Variants in SUFU observed in about 807,000 individuals in gnomAD.
The protein encoded by SUFU is SUFU negative regulator of hedgehog signaling, also known as suppressor of fused homolog.
A neutral mutation model predicts 58.9 loss-of-function variants in SUFU; 7 were observed. That is an observed-to-expected ratio of 0.12 (90% CI 0.07 to 0.22). The LOEUF is 0.22. Ranked by LOEUF, SUFU falls within the 10% of genes least tolerant of loss-of-function variation. The probability of loss-of-function intolerance (pLI) is 1.00; values close to 1 mark genes in which losing one functional copy is unlikely to be tolerated. For missense variants in SUFU, 451 were observed against 641.3 expected (o/e 0.70, Z 3.20); for synonymous variants, 232 against 254.8 (o/e 0.91, Z 0.85).
chr10:102,568,923 CATATAT>C (rs1166324733), intron 3 of SUFU, among the ~76,000 whole-genome samples: 20 of 39,066 alleles, frequency 5.1e-4, no homozygotes, highest in African/African-American at 2.7e-3. Flanking sequence ...TATATATACA[CATATAT>C]ATATATATAT....
At position 102,594,868 on chromosome 10, in the gene SUFU, AC is replaced by A. The variant is rs570165273; in HGVS notation, c.756+805del. 8.0e-3 allele frequency among the ~76,000 whole-genome samples: 1,222 copies of A among 152,038 alleles called. 17 individuals are homozygous for A. The highest frequency in any genetic ancestry group is 0.01 in the Non-Finnish European group (708 of 67,958). On this transcript the variant is annotated intron_variant, in intron 6 of 11. Coordinates refer to ENST00000369902, the MANE Select transcript of SUFU (RefSeq NM_016169.4). ...CGAGTAGCTGAGATTACAGGCGCCC[AC>A]CACCACGCCCAGATAATTTTTTGTA...
chr10:102,518,868 G>A (rs138019838), intron 2 of SUFU, among the ~76,000 whole-genome samples: 218 of 151,506 alleles, frequency 1.4e-3, no homozygotes, highest in Non-Finnish European at 2.6e-3. Context: ...GGCCGGGTGC[G>A]GTGGCTCACA....
At chr10:102,558,354 G>T (rs1218545198) in intron 3 of SUFU, among the ~76,000 whole-genome samples, 3 of 152,128 alleles carry the variant, frequency 2.0e-5, no homozygotes, top group Non-Finnish European at 4.4e-5. Flanking sequence ...ACGACTACAG[G>T]TGCACACCAC....
intron 3 of SUFU, among the ~76,000 whole-genome samples, chr10:102,568,999 G>T (rs1295231414): frequency 7.6e-6 from 1 of 131,582 alleles, no homozygotes; most frequent in East Asian, 2.2e-4. Context: ...GCATTTCATT[G>T]TATGATACTA....
chr10:102,532,395 A>G (rs1173820724), intron 2 of SUFU, among the ~76,000 whole-genome samples: 1 of 152,220 alleles, frequency 6.6e-6, no homozygotes, highest in Non-Finnish European at 1.5e-5. Flanking sequence ...AGCAGCTTAC[A>G]ACACACATTT....
chr10:102,537,047 G>T (rs2062747863), intron 2 of SUFU, among the ~76,000 whole-genome samples: 1 of 152,028 alleles, frequency 6.6e-6, no homozygotes, highest in Non-Finnish European at 1.5e-5. Flanking sequence ...CTGACCTCAG[G>T]TGATCTGCCC....
At chr10:102,564,547 GGTC>G (rs2063069167) in intron 3 of SUFU, among the ~76,000 whole-genome samples, 1 of 152,150 alleles carries the variant, frequency 6.6e-6, no homozygotes, top group Non-Finnish European at 1.5e-5. Flanking sequence ...TGGCCACGCT[GGTC>G]TCCAACTCTT....
Position 102,619,166 on chromosome 10 carries a change from C to A in SUFU, c.1296+1738C>A. ...CTCCAATTTTCAGCAGCTCAAGAACCTTGGCCCCCACAGGACTTCGCAGAT... is the reference window on the plus strand; with the variant it reads ...CTCCAATTTTCAGCAGCTCAAGAACATTGGCCCCCACAGGACTTCGCAGAT... On this transcript the variant is annotated intron_variant, in intron 10 of 11. Coordinates refer to ENST00000369902, the MANE Select transcript of SUFU (RefSeq NM_016169.4). This position sits in a 1 kb window ranked among gnomAD's most constrained non-coding sequence, Gnocchi z 4.2. 1 of 1,610,752 alleles carries A rather than the reference C, an allele frequency of 6.2e-7. No homozygotes were observed.
intron 2 of SUFU, among the ~76,000 whole-genome samples, chr10:102,515,192 G>C (rs577941800): frequency 1.3e-5 from 2 of 152,134 alleles, no homozygotes; most frequent in African/African-American, 4.8e-5. Flanking sequence ...CTCTGCACCC[G>C]CATGAGTTAT....
rs990359280 is a variant in SUFU at position 102,633,267 on chromosome 10, G to A, written c.*3112G>A. The A allele has an allele frequency of 1.7e-5, 4 of 233,122 alleles. No individual in the cohort carries two copies. The highest frequency in any genetic ancestry group is 8.8e-5 in the African/African-American group (4 of 45,324). 14.4% of individuals were successfully genotyped at this position (233,122 alleles called of 1,614,324 possible). A position where few individuals can be genotyped will look rare whatever the true frequency, so the allele number is the denominator to read the frequency against. On this transcript the variant is annotated 3_prime_UTR_variant, in exon 12 of 12. Transcript: ENST00000369902. ...GACCCCTCCTTTTGTACAAGTACCT[G>A]AATGCTGCGACAAGCAGATTTTTGT...
intron 3 of SUFU, among the ~76,000 whole-genome samples, chr10:102,557,479 G>C (rs11191335): frequency 0.3 from 45,296 of 151,900 alleles, 7,073 homozygotes; most frequent in Admixed American, 0.35. Context: ...TGTAGTCCCA[G>C]CTATTCAGGA....
intron 2 of SUFU, among the ~76,000 whole-genome samples, chr10:102,524,658 C>CT (rs1183673806): frequency 6.6e-6 from 1 of 152,136 alleles, no homozygotes. Context: ...TCTGCGATGT[C>CT]TATTATGCTT....
chr10:102,627,420 A>G (rs1037858872), intron 11 of SUFU, among the ~76,000 whole-genome samples, 177 bp downstream of exon 11: 3 of 152,120 alleles, frequency 2.0e-5, no homozygotes, highest in Admixed American at 2.0e-4. Flanking sequence ...TAGGCTGGAG[A>G]GGAGACTGTA....
Position 102,586,934 on chromosome 10 carries a change from T to C in SUFU, c.455-5648T>C, listed in dbSNP as rs140623522. Reference sequence around the variant, plus strand: ...TATAAATTTGCCTACCCTAGGTACTTCATGTAAGTGAAATCATGCAGTATT... The same window carrying C: ...TATAAATTTGCCTACCCTAGGTACTCCATGTAAGTGAAATCATGCAGTATT... On this transcript the variant is annotated intron_variant, in intron 3 of 11. Coordinates refer to ENST00000369902, the MANE Select transcript of SUFU (RefSeq NM_016169.4). Among the ~76,000 whole-genome samples, 290 of 152,342 alleles carry C rather than the reference T, an allele frequency of 1.9e-3. 1 individual carries two copies. The highest frequency in any genetic ancestry group is 4.3e-3 in the African/African-American group (180 of 41,586).
At chr10:102,591,467 T>C (rs1204750586) in intron 3 of SUFU, 1 of 147,328 alleles carries the variant, frequency 6.8e-6, no homozygotes, top group East Asian at 2.0e-4. Flanking sequence ...GCCACTGCAC[T>C]GCAGCCTGGC....
Position 102,617,368 on chromosome 10 carries a change from A to T in SUFU, c.1236A>T (p.Gly412=). ...GDMAITFVST[G]VEGAFATEEH... is the part of the protein sequence containing the mutation. Reference sequence around the variant, plus strand: ...TGGCCATCACGTTTGTCTCCACGGGAGTGGAAGGCGCCTTTGCCACTGAGG... The same window carrying T: ...TGGCCATCACGTTTGTCTCCACGGGTGTGGAAGGCGCCTTTGCCACTGAGG... The change falls in exon 10 of 12, where the codon GGA becomes GGT. Residue 412 remains glycine, a synonymous_variant. Coordinates refer to ENST00000369902, the MANE Select transcript of SUFU (RefSeq NM_016169.4). This position sits in a 1 kb window ranked among gnomAD's most constrained non-coding sequence, Gnocchi z 4.4. 6.2e-7 allele frequency: 1 copy of T among 1,614,186 alleles called. No homozygotes were observed. Among genetic ancestry groups the T allele is most frequent in the Non-Finnish European group, 8.5e-7 (1 of 1,180,036 alleles).
intron 3 of SUFU, among the ~76,000 whole-genome samples, chr10:102,583,429 A>G (rs2063303104): frequency 6.6e-6 from 1 of 152,104 alleles, no homozygotes; most frequent in Non-Finnish European, 1.5e-5. Context: ...GAACGTGTTG[A>G]TCCTAGAGCA....
chr10:102,587,296 C>T (rs534398770), intron 3 of SUFU, among the ~76,000 whole-genome samples: 1 of 152,156 alleles, frequency 6.6e-6, no homozygotes, highest in Admixed American at 6.5e-5. Context: ...TTTTGCACAG[C>T]GGCTGCTTCA....
rs1256985015 is a variant in SUFU at position 102,618,929 on chromosome 10, A to AGC, written c.1296+1503_1296+1504dup. Reference sequence around the variant, plus strand: ...TCATCATTCCCAAGTGTCCTCAGGTAGCGTGTGTGTGTGTGTGTGTGTGTG... The same window carrying AGC: ...TCATCATTCCCAAGTGTCCTCAGGTAGCGCGTGTGTGTGTGTGTGTGTGTGTG... On this transcript the variant is annotated intron_variant, in intron 10 of 11. Coordinates refer to ENST00000369902, the MANE Select transcript of SUFU (RefSeq NM_016169.4). 34 of 619,772 alleles carry AGC rather than the reference A, an allele frequency of 5.5e-5. No individual in the cohort carries two copies. In the African/African-American group the frequency reaches 1.1e-3, roughly 19 times the overall value. The allele number at this position is 619,772 out of a possible 1,614,324, so 38.4% of individuals were successfully genotyped here.
Sources: allele counts gnomAD v4.1 joint callset (sites outside exome capture counted in the v4.1 genomes callset), GRCh38; gene constraint gnomAD v4.1.1; non-coding constraint Gnocchi (gnomAD v3.1); transcripts MANE v1.5; gene names NCBI Gene and HGNC (gene_info 2026-07-23, HGNC 2026-07-21).